CNTRL: variants seen among roughly 807,000 people sequenced by gnomAD.
CNTRL encodes the protein 110 kDa centrosomal protein.
In CNTRL, 233 loss-of-function variants were observed where a neutral mutation model predicts 303.7. The ratio of observed to expected loss-of-function variants is 0.77; its 90% confidence interval spans 0.69 to 0.86. The LOEUF is 0.86. CNTRL is among the 40% of genes least tolerant of loss of function. The pLI is 0.00. For missense variants in CNTRL, 2,524 were observed against 2,650.6 expected (o/e 0.95, Z 1.05); for synonymous variants, 900 against 922.2 (o/e 0.98, Z 0.44).
At chr9:121,094,854 T>C (rs1256833028) in intron 4 of CNTRL, 34 bp from the exon 5 acceptor site, 13 of 1,472,616 alleles carry the variant, frequency 8.8e-6, no homozygotes, top group Non-Finnish European at 1.0e-5. Context: ...AGTCATCTGT[T>C]GTGTAAAGTA....
In CNTRL at chr9:121,125,928, A is replaced by T. The variant is rs771339552; in HGVS notation, c.2017A>T (p.Met673Leu). ...AATAGTTGCCATGGATGCAGAAAAT[A>T]TGAGGAAGGTATGATTTTTTTCCTG... Reference protein sequence around the residue: ...LEIVAMDAENMRKELAELESA... With the variant: ...LEIVAMDAENLRKELAELESA... The change falls in exon 14 of 44, where the codon ATG (methionine) becomes TTG (leucine). Residue 673 changes from methionine to leucine, a missense_variant. Coordinates refer to ENST00000373855, the MANE Select transcript of CNTRL (RefSeq NM_007018.6). 2 of 1,613,868 alleles carry T rather than the reference A, an allele frequency of 1.2e-6. No homozygotes were observed. Among genetic ancestry groups the T allele is most frequent in the Non-Finnish European group, 1.7e-6 (2 of 1,179,706 alleles).
chr9:121,160,112 G>A, intron 31 of CNTRL, 31 bp from the exon 32 acceptor site: 1 of 1,407,132 alleles, frequency 7.1e-7, no homozygotes, highest in African/African-American at 1.5e-5. Flanking sequence ...ACAGTCACAG[G>A]AGGGAATAAC....
rs542111701 is a variant in CNTRL at position 121,148,610 on chromosome 9, G to A, written c.3460-62G>A. 6.1e-4 allele frequency: 898 copies of A among 1,469,768 alleles called. 9 individuals are homozygous for A. Among genetic ancestry groups the A allele is most frequent in the African/African-American group, 2.7e-4 (19 of 70,984 alleles). The allele number at this position is 1,469,768 out of a possible 1,614,324, so 91.0% of individuals were successfully genotyped here. A position where few individuals can be genotyped will look rare whatever the true frequency, so the allele number is the denominator to read the frequency against. On this transcript the variant is annotated intron_variant, in intron 23 of 43. Transcript: ENST00000373855. ...TCTCAACTTTGCTGTAGACTTTGAC[G>A]TTTCTTAAAATCAGCCTTTCCATTT...
chr9:121,090,457 C>T, intron 4 of CNTRL, 52 bp downstream of exon 4: 1 of 1,521,706 alleles, frequency 6.6e-7, no homozygotes, highest in Non-Finnish European at 8.8e-7. Flanking sequence ...CTTTTCTGTG[C>T]TTTAATACTG....
In CNTRL at chr9:121,158,918, C is replaced by T. The variant is rs149137434; in HGVS notation, c.4828C>T (p.Leu1610=). 6.2e-7 allele frequency: 1 copy of T among 1,613,992 alleles called. No homozygotes were observed. Among genetic ancestry groups the T allele is most frequent in the Non-Finnish European group, 8.5e-7 (1 of 1,179,878 alleles). The change falls in exon 31 of 44, where the codon CTG becomes TTG. Residue 1610 remains leucine, a synonymous_variant. Transcript: ENST00000373855. Reference sequence around the variant, plus strand: ...GCAGTTAGGGCATAAAAAGGAGGAGCTGCATCTACTCCAAGGAAGCATGGT... The same window carrying T: ...GCAGTTAGGGCATAAAAAGGAGGAGTTGCATCTACTCCAAGGAAGCATGGT... ...DRQLGHKKEE[L]HLLQGSMVQA... is the part of the protein sequence containing the mutation.
chr9:121,177,265 GTTTT>G lies in CNTRL; in HGVS notation c.*83_*86del. 8.0e-7 allele frequency: 1 copy of G among 1,253,724 alleles called. No individual in the cohort carries two copies. The highest frequency in any genetic ancestry group is 1.2e-6 in the Non-Finnish European group (1 of 867,048). The allele number at this position is 1,253,724 out of a possible 1,614,324, so 77.7% of individuals were successfully genotyped here. A position where few individuals can be genotyped will look rare whatever the true frequency, so the allele number is the denominator to read the frequency against. ...GACTTCATAATTGGAATGTCACATGGTTTTTTTAATCAAGATGCAGTGAACTGAG... is the reference window on the plus strand; with the variant it reads ...GACTTCATAATTGGAATGTCACATGGTTTAATCAAGATGCAGTGAACTGAG... On this transcript the variant is annotated 3_prime_UTR_variant, in exon 44 of 44. Coordinates refer to ENST00000373855, the MANE Select transcript of CNTRL (RefSeq NM_007018.6).
intron 17 of CNTRL, 60 bp downstream of exon 17, chr9:121,140,846 T>C: frequency 2.0e-6 from 3 of 1,500,080 alleles, no homozygotes; most frequent in Non-Finnish European, 2.7e-6. Context: ...GAGTTGTGAG[T>C]GTGAGGTTCA....
intron 7 of CNTRL, among the ~76,000 whole-genome samples, chr9:121,099,784 C>T (rs1017311640): frequency 2.6e-5 from 4 of 151,926 alleles, no homozygotes; most frequent in South Asian, 4.1e-4. Flanking sequence ...GTAGCTGATT[C>T]GATCAACTGG....
At chr9:121,117,356 T>G (rs1254687126) in intron 11 of CNTRL, among the ~76,000 whole-genome samples, 1 of 151,832 alleles carries the variant, frequency 6.6e-6, no homozygotes, top group East Asian at 1.9e-4. Context: ...TATCTTCATC[T>G]TTTTTACACT....
chr9:121,123,839 T>G, intron 12 of CNTRL, 92 bp from the exon 13 acceptor site: 1 of 933,156 alleles, frequency 1.1e-6, no homozygotes, highest in East Asian at 3.0e-5. Context: ...ATATTTATTT[T>G]CTATTCTTCC....
intron 34 of CNTRL, 102 bp downstream of exon 34, chr9:121,162,373 A>G (rs1398136831): frequency 1.1e-6 from 1 of 938,226 alleles, no homozygotes; most frequent in East Asian, 2.6e-5. Flanking sequence ...GATAAAATAC[A>G]CCACAAACTT....
chr9:121,177,047 T>C lies in CNTRL; in HGVS notation c.6955-116T>C, dbSNP rs112277954. On this transcript the variant is annotated intron_variant, in intron 43 of 43. Coordinates refer to ENST00000373855, the MANE Select transcript of CNTRL (RefSeq NM_007018.6). Reference sequence around the variant, plus strand: ...TACACTGGTTCATCTTAAAACATTTTTCCAAAGAGGTACTCAAATATGTCA... The same window carrying C: ...TACACTGGTTCATCTTAAAACATTTCTCCAAAGAGGTACTCAAATATGTCA... 4,449 of 779,086 alleles carry C rather than the reference T, an allele frequency of 5.7e-3. 128 individuals carry two copies. The African/African-American group carries it at 0.069, about 12-fold the overall frequency. 48.3% of individuals were successfully genotyped at this position (779,086 alleles called of 1,614,324 possible).
intron 4 of CNTRL, among the ~76,000 whole-genome samples, chr9:121,094,669 A>G (rs1053665065): frequency 3.3e-5 from 5 of 152,302 alleles, no homozygotes; most frequent in Admixed American, 2.6e-4. Flanking sequence ...TATATAGACA[A>G]TGTTGTTGTC....
chr9:121,140,554 C>T, intron 16 of CNTRL, 87 bp from the exon 17 acceptor site: 1 of 1,171,362 alleles, frequency 8.5e-7, no homozygotes. Context: ...GAATTTAGTT[C>T]TGTGGTCTAG....
At chr9:121,168,049 G>A (rs1372650839) in intron 37 of CNTRL, 47 bp from the exon 38 acceptor site, 5 of 1,514,442 alleles carry the variant, frequency 3.3e-6, no homozygotes, top group Non-Finnish European at 4.5e-6. Flanking sequence ...GGTTCTCTGG[G>A]ACACTATTTG....
chr9:121,095,177 GT>G (rs2048837702), intron 5 of CNTRL, among the ~76,000 whole-genome samples, 159 bp downstream of exon 5: 1 of 152,096 alleles, frequency 6.6e-6, no homozygotes, highest in Admixed American at 6.5e-5. Flanking sequence ...TTCACATATG[GT>G]AGGTAACTGT....
In CNTRL at chr9:121,158,983, A is replaced by G; in HGVS notation, c.4893A>G (p.Gly1631=). The G allele has an allele frequency of 6.2e-7, 1 of 1,614,204 alleles. No individual in the cohort carries two copies. The highest frequency in any genetic ancestry group is 8.5e-7 in the Non-Finnish European group (1 of 1,180,022). Reference sequence around the variant, plus strand: ...ACCTCCAGGAAGCTCTGAGACTGGGAGAGACTGAAGTAACTGAGAAGTGCA... The same window carrying G: ...ACCTCCAGGAAGCTCTGAGACTGGGGGAGACTGAAGTAACTGAGAAGTGCA... The part of the protein sequence containing the change: ...KADLQEALRL[G]ETEVTEKCNH... Residue 1631 remains glycine (G), a synonymous_variant, in exon 31 of 44, where the codon GGA becomes GGG. Transcript: ENST00000373855.
intron 43 of CNTRL, 27 bp from the exon 44 acceptor site, chr9:121,177,135 AT>A (rs1404827128): frequency 1.3e-6 from 2 of 1,599,504 alleles, no homozygotes; most frequent in African/African-American, 2.7e-5. Flanking sequence ...CAAGAATTTG[AT>A]TTATCCTTCC....
intron 4 of CNTRL, among the ~76,000 whole-genome samples, chr9:121,093,983 G>T (rs1490579422): frequency 6.6e-6 from 1 of 151,982 alleles, no homozygotes; most frequent in Admixed American, 6.6e-5. Context: ...GGTGGGACGC[G>T]CCTGTGGTCC....
Sources: gnomAD v4.1 joint callset for allele counts (sites outside exome capture counted in the v4.1 genomes callset) on GRCh38, gnomAD v4.1.1 for gene constraint, MANE v1.5 for transcripts, NCBI Gene and HGNC (gene_info 2026-07-23, HGNC 2026-07-21) for gene names.